The following RSU1 variants were observed in gnomAD, a reference collection of about 807,000 sequenced individuals.
The protein encoded by RSU1 is rsu-1.
A neutral mutation model predicts 31.1 loss-of-function variants in RSU1; 26 were observed. The observed-to-expected ratio is 0.84, with a 90% CI of 0.61 to 1.16. The LOEUF (loss-of-function observed/expected upper bound fraction) is 1.16, where lower values mean the gene tolerates loss of function less well. RSU1 is among the 50% of genes most tolerant of loss of function. RSU1 has a pLI of 0.00. For synonymous variants in RSU1, 164 were observed against 136.3 expected (o/e 1.20, Z -1.41); for missense variants, 320 against 339.1 (o/e 0.94, Z 0.44).
chr10:16,817,007 C>A lies in RSU1; in HGVS notation c.75G>T (p.Arg25=). ...KNQPEVDMSD[R]GISNMLDVNG... ...TGACATCCAGCATGTTGGAGATGCC[C>A]CGGTCACTCATGTCCACCTCGGGCT... Residue 25 remains arginine (R), a synonymous_variant, in exon 2 of 9, where the codon CGG becomes CGT. Transcript: ENST00000345264. 1.2e-6 allele frequency: 2 copies of A among 1,614,134 alleles called. No individual in the cohort carries two copies. Among genetic ancestry groups the A allele is most frequent in the Non-Finnish European group, 1.7e-6 (2 of 1,179,954 alleles).
chr10:16,721,351 G>C, intron 7 of RSU1: 1 of 152,390 alleles, frequency 6.6e-6, no homozygotes, highest in Non-Finnish European at 1.5e-5. Flanking sequence ...AGAGAGGCAG[G>C]CAGGGGCTGC....
chr10:16,705,506 T>C (rs919285123), intron 7 of RSU1, among the ~76,000 whole-genome samples: 2 of 152,210 alleles, frequency 1.3e-5, no homozygotes, highest in African/African-American at 4.8e-5. Context: ...ATTTATTTTT[T>C]TGAGACAGAG....
chr10:16,772,229 CA>C (rs1240752045), intron 3 of RSU1, among the ~76,000 whole-genome samples: 1 of 152,108 alleles, frequency 6.6e-6, no homozygotes, highest in Non-Finnish European at 1.5e-5. Context: ...GCCAAACATG[CA>C]AAAATGTATG....
chr10:16,594,038 T>G (rs1460483189), intron 8 of RSU1, among the ~76,000 whole-genome samples: 2 of 152,222 alleles, frequency 1.3e-5, no homozygotes, highest in African/African-American at 4.8e-5. Context: ...ATAATTACGG[T>G]GGATGGCATT....
chr10:16,679,664 G>A (rs1000423779), intron 8 of RSU1, among the ~76,000 whole-genome samples: 1 of 152,170 alleles, frequency 6.6e-6, no homozygotes, highest in South Asian at 2.1e-4. Flanking sequence ...AAAGCAGGTT[G>A]TATCTCTGCT....
intron 4 of RSU1, 52 bp from the exon 5 acceptor site, chr10:16,755,041 C>A: frequency 9.1e-7 from 1 of 1,097,224 alleles, no homozygotes; most frequent in African/African-American, 1.6e-5. Context: ...CACATTCATA[C>A]AGACTATCAA....
intron 8 of RSU1, among the ~76,000 whole-genome samples, chr10:16,657,656 G>A (rs1393830801): frequency 6.6e-6 from 1 of 151,940 alleles, no homozygotes; most frequent in African/African-American, 2.4e-5. Flanking sequence ...CTGCCCCGGA[G>A]GTTATGCCTC....
intron 7 of RSU1, chr10:16,721,249 C>G (rs185785918): frequency 1.3e-5 from 2 of 152,118 alleles, no homozygotes; most frequent in African/African-American, 4.8e-5. Flanking sequence ...GATGCTTAAC[C>G]AGATCATAGT....
At chr10:16,656,487 C>A (rs979056992) in intron 8 of RSU1, among the ~76,000 whole-genome samples, 1 of 152,166 alleles carries the variant, frequency 6.6e-6, no homozygotes, top group Non-Finnish European at 1.5e-5. Flanking sequence ...GATTACCTTA[C>A]GTACAAAATA....
chr10:16,611,119 C>T (rs1370613223), intron 8 of RSU1, among the ~76,000 whole-genome samples: 4 of 152,206 alleles, frequency 2.6e-5, no homozygotes, highest in African/African-American at 9.7e-5. Flanking sequence ...CCATGAGGCC[C>T]TCCCTGGGGG....
intron 7 of RSU1, among the ~76,000 whole-genome samples, chr10:16,701,308 C>T (rs1835788365): frequency 6.6e-6 from 1 of 152,214 alleles, no homozygotes. Context: ...CCATTCTCTT[C>T]TGTCTGCGTA....
intron 2 of RSU1, among the ~76,000 whole-genome samples, chr10:16,796,428 C>T (rs1838034398): frequency 6.6e-6 from 1 of 152,114 alleles, no homozygotes; most frequent in Non-Finnish European, 1.5e-5. Flanking sequence ...ACCTTTCTCT[C>T]AACACTGCAA....
chr10:16,791,623 G>C (rs749606944), intron 2 of RSU1, among the ~76,000 whole-genome samples: 1 of 136,822 alleles, frequency 7.3e-6, no homozygotes, highest in Non-Finnish European at 1.5e-5. Context: ...GCGAGACTCC[G>C]TCTCAAAAAA....
intron 8 of RSU1, among the ~76,000 whole-genome samples, chr10:16,688,985 G>A (rs1383433771): frequency 6.6e-6 from 1 of 151,514 alleles, no homozygotes; most frequent in African/African-American, 2.4e-5. Flanking sequence ...TGCAGCCTGG[G>A]TGACAAAGTG....
intron 7 of RSU1, among the ~76,000 whole-genome samples, chr10:16,714,352 C>T (rs796854301): frequency 6.6e-6 from 1 of 152,164 alleles, no homozygotes; most frequent in African/African-American, 2.4e-5. Flanking sequence ...TGGGGTTGGG[C>T]AGCCTTGCAG....
At chr10:16,701,130 GA>G (rs1158191585) in intron 7 of RSU1, among the ~76,000 whole-genome samples, 1 of 152,194 alleles carries the variant, frequency 6.6e-6, no homozygotes, top group African/African-American at 2.4e-5. Flanking sequence ...CCGATTTGGA[GA>G]ATTCCATGTT....
chr10:16,716,410 T>C (rs1480829741), intron 7 of RSU1, among the ~76,000 whole-genome samples: 1 of 152,196 alleles, frequency 6.6e-6, no homozygotes. Flanking sequence ...CTTTTCACAA[T>C]GTACATGGCT....
rs114006813 is a variant in RSU1 at position 16,728,786 on chromosome 10, T to C, written c.598+23753A>G. ...AGAGGAGAATGCAATGTGATGACGG[T>C]AGCAGAGAATGATGTGGTAGGTTCT... is the stretch of plus-strand genomic sequence containing the variant. On this transcript the variant is annotated intron_variant, in intron 7 of 8. Coordinates refer to ENST00000345264, the MANE Select transcript of RSU1 (RefSeq NM_012425.4). 6.7e-3 allele frequency among the ~76,000 whole-genome samples: 1,027 copies of C among 152,226 alleles called. 10 individuals are homozygous for C. The highest frequency in any genetic ancestry group is 0.023 in the African/African-American group (967 of 41,540).
At chr10:16,737,235 A>C (rs1465344705) in intron 7 of RSU1, among the ~76,000 whole-genome samples, 1 of 152,134 alleles carries the variant, frequency 6.6e-6, no homozygotes, top group East Asian at 1.9e-4. Context: ...AATGGCTGAA[A>C]ATTTATCAAA....
Sources: gnomAD v4.1 joint callset for allele counts (sites outside exome capture counted in the v4.1 genomes callset) on GRCh38, gnomAD v4.1.1 for gene constraint, MANE v1.5 for transcripts, NCBI Gene and HGNC (gene_info 2026-07-23, HGNC 2026-07-21) for gene names.